Variants in LRMDA observed in about 807,000 individuals in gnomAD.
LRMDA encodes leucine-rich melanocyte differentiation-associated protein.
Under a neutral mutation model 29.8 loss-of-function variants are expected in LRMDA, and 18 were observed. That is an observed-to-expected ratio of 0.60 (90% CI 0.42 to 0.90). The LOEUF is 0.90. Ranked by LOEUF, LRMDA falls within the 40% of genes least tolerant of loss-of-function variation. The probability of loss-of-function intolerance (pLI) is 0.00; values close to 1 mark genes in which losing one functional copy is unlikely to be tolerated. For synonymous variants in LRMDA, 125 were observed against 109.4 expected (o/e 1.14, Z -0.89); for missense variants, 273 against 273.9 (o/e 1.00, Z 0.02).
intron 1 of LRMDA, among the ~76,000 whole-genome samples, chr10:75,434,475 C>T (rs963162775): frequency 2.0e-5 from 3 of 152,278 alleles, no homozygotes; most frequent in African/African-American, 7.2e-5. Flanking sequence ...AGGAAACAGA[C>T]TCGAAGATGG....
rs565164117 is a variant in LRMDA, at chr10:75,567,178, C to T, written c.131+128684C>T. Among the ~76,000 whole-genome samples, 30 of 152,158 alleles carry T rather than the reference C, an allele frequency of 2.0e-4. 1 individual carries two copies. The highest frequency in any genetic ancestry group is 6.5e-4 in the African/African-American group (27 of 41,494). On this transcript the variant is annotated intron_variant, in intron 2 of 6. Coordinates refer to ENST00000611255, the MANE Select transcript of LRMDA (RefSeq NM_001305581.2). ...TTTTCTTCTAGATATTCTAATCATA[C>T]CCTTACTCTGCTCCAAAGCACTGTT...
At chr10:75,570,059 TA>T (rs1452528482) in intron 2 of LRMDA, among the ~76,000 whole-genome samples, 2 of 152,196 alleles carry the variant, frequency 1.3e-5, no homozygotes, top group African/African-American at 4.8e-5. Context: ...ATTTTCAGTT[TA>T]AAAAGTGCTG....
chr10:76,147,037 T>C (rs1332163440), intron 5 of LRMDA, among the ~76,000 whole-genome samples: 2 of 152,206 alleles, frequency 1.3e-5, no homozygotes, highest in Non-Finnish European at 2.9e-5. Context: ...GCTTGCAGAG[T>C]TTCTGCTGAG....
chr10:75,856,658 A>G (rs1472044593), intron 2 of LRMDA, among the ~76,000 whole-genome samples: 1 of 152,214 alleles, frequency 6.6e-6, no homozygotes, highest in Non-Finnish European at 1.5e-5. Context: ...CTCTCAATAA[A>G]TTAGGTATTG....
chr10:75,757,813 T>C (rs913712754), intron 2 of LRMDA, among the ~76,000 whole-genome samples: 1 of 151,134 alleles, frequency 6.6e-6, no homozygotes, highest in African/African-American at 2.4e-5. Flanking sequence ...TTTTTTTTTT[T>C]TGTTAAGATG....
intron 2 of LRMDA, among the ~76,000 whole-genome samples, chr10:75,776,659 G>A (rs980220396): frequency 6.6e-6 from 1 of 152,168 alleles, no homozygotes; most frequent in Non-Finnish European, 1.5e-5. Context: ...ATTGCATGCT[G>A]TACATTTTAC....
At chr10:76,549,434 C>T (rs989716140) in intron 6 of LRMDA, among the ~76,000 whole-genome samples, 5 of 152,162 alleles carry the variant, frequency 3.3e-5, no homozygotes, top group Non-Finnish European at 5.9e-5. Flanking sequence ...CTGCACTGGA[C>T]GGGTCTGAGC....
chr10:76,161,807 G>C (rs913007806), intron 5 of LRMDA, among the ~76,000 whole-genome samples: 11 of 152,244 alleles, frequency 7.2e-5, no homozygotes, highest in African/African-American at 2.4e-4. Flanking sequence ...CCAAAAGAAG[G>C]GCTGTTGTTT....
At chr10:75,978,366 A>G (rs1320219206) in intron 2 of LRMDA, among the ~76,000 whole-genome samples, 3 of 152,166 alleles carry the variant, frequency 2.0e-5, no homozygotes, top group Non-Finnish European at 4.4e-5. Context: ...TGCTCTTGTC[A>G]TTCTGTGCGC....
chr10:76,403,072 A>C (rs1841866096), intron 6 of LRMDA: 1 of 151,788 alleles, frequency 6.6e-6, no homozygotes, highest in African/African-American at 2.4e-5. Context: ...GTTGCCCTTC[A>C]TCAAACAGGA....
chr10:75,624,704 C>T (rs1841229724), intron 2 of LRMDA, among the ~76,000 whole-genome samples: 1 of 152,010 alleles, frequency 6.6e-6, no homozygotes, highest in Non-Finnish European at 1.5e-5. Flanking sequence ...GATTAGCCAG[C>T]AAACAAAAAA....
At chr10:76,193,530 T>A (rs776184002) in intron 5 of LRMDA, among the ~76,000 whole-genome samples, 2 of 152,158 alleles carry the variant, frequency 1.3e-5, no homozygotes, top group African/African-American at 4.8e-5. Context: ...TGAGTTTTGT[T>A]TTATTGTTAT....
At chr10:75,869,984 C>A (rs540132828) in intron 2 of LRMDA, among the ~76,000 whole-genome samples, 1 of 152,196 alleles carries the variant, frequency 6.6e-6, no homozygotes, top group Non-Finnish European at 1.5e-5. Context: ...GTCCTCTCCC[C>A]TCTTGCTGCT....
chr10:76,147,792 T>C lies in LRMDA; in HGVS notation c.516+89009T>C, dbSNP rs1850357945. On this transcript the variant is annotated intron_variant, in intron 5 of 6. Transcript: ENST00000611255. ...TTTAGAGTTTCCAGTTTTTCTGGTC[T>C]GTTTTTTTCCCATCTTTGTGGTTTT... 2.0e-5 allele frequency among the ~76,000 whole-genome samples: 3 copies of C among 152,240 alleles called. No homozygotes were observed. In the South Asian group the frequency reaches 6.2e-4, roughly 31 times the overall value.
In LRMDA at chr10:75,525,019, T is replaced by G. The variant is rs188559961; in HGVS notation, c.131+86525T>G. Among the ~76,000 whole-genome samples, 432 of 152,300 alleles carry G rather than the reference T, an allele frequency of 2.8e-3. 6 individuals are homozygous for G. The highest frequency in any genetic ancestry group is 0.01 in the African/African-American group (420 of 41,566). The stretch of plus-strand genomic sequence containing the variant: ...CAAGTGACCAAAACCCAACATACAT[T>G]TGCCAAAGCCCTAGAGATAATTTAT... On this transcript the variant is annotated intron_variant, in intron 2 of 6. Coordinates refer to ENST00000611255, the MANE Select transcript of LRMDA (RefSeq NM_001305581.2).
At chr10:75,862,895 T>A (rs1844956919) in intron 2 of LRMDA, among the ~76,000 whole-genome samples, 1 of 152,146 alleles carries the variant, frequency 6.6e-6, no homozygotes, top group South Asian at 2.1e-4. Context: ...CATGAAACGA[T>A]GTGGGAGAAC....
intron 5 of LRMDA, among the ~76,000 whole-genome samples, chr10:76,283,991 G>A (rs1408568899): frequency 6.6e-6 from 1 of 152,138 alleles, no homozygotes; most frequent in Non-Finnish European, 1.5e-5. Context: ...GTTAGACAGA[G>A]AATATGAATG....
intron 2 of LRMDA, among the ~76,000 whole-genome samples, chr10:75,852,027 C>T (rs369017360): frequency 6.6e-6 from 1 of 152,186 alleles, no homozygotes; most frequent in Admixed American, 6.6e-5. Flanking sequence ...TTCCCCACCC[C>T]CTTCTCTAGA....
intron 2 of LRMDA, chr10:75,743,361 T>C (rs1280043306): frequency 6.6e-6 from 1 of 152,280 alleles, no homozygotes; most frequent in Non-Finnish European, 1.5e-5. Flanking sequence ...GGTGGCTCTG[T>C]GTACACGCTC....
Sources: allele counts gnomAD v4.1 joint callset (sites outside exome capture counted in the v4.1 genomes callset), GRCh38; gene constraint gnomAD v4.1.1; transcripts MANE v1.5; gene names NCBI Gene and HGNC (gene_info 2026-07-23, HGNC 2026-07-21).